Variants in TTC28 observed in about 807,000 individuals in gnomAD.
TTC28 encodes the protein tetratricopeptide repeat domain 28.
In TTC28, 61 loss-of-function variants were observed where a neutral mutation model predicts 198.0. The ratio of observed to expected loss-of-function variants is 0.31; its 90% confidence interval spans 0.25 to 0.38. The LOEUF (loss-of-function observed/expected upper bound fraction) is 0.38. Among genes scored for constraint, TTC28 ranks in the 10% least tolerant of loss-of-function variants. The pLI, the probability that TTC28 is intolerant of heterozygous loss-of-function variation, is 1.00. For missense variants in TTC28, 2,678 were observed against 3,164.0 expected, an observed-to-expected ratio of 0.85 and a Z score of 3.69; for synonymous variants, 1,171 against 1,297.8, an observed-to-expected ratio of 0.90 and a Z score of 2.10.
chr22:28,012,325 C>T (rs138670), intron 14 of TTC28, among the ~76,000 whole-genome samples: 8,885 of 152,120 alleles, frequency 0.058, 360 homozygotes, highest in Non-Finnish European at 0.083. Context: ...GAAGGACAAC[C>T]GAGCACGTGC....
At chr22:28,220,735 C>T (rs1927790090) in intron 5 of TTC28, among the ~76,000 whole-genome samples, 1 of 152,176 alleles carries the variant, frequency 6.6e-6, no homozygotes, top group Admixed American at 6.5e-5. Flanking sequence ...AGAAGCAAGT[C>T]ACAGGATCCA....
rs71316836 is a variant in TTC28 at position 28,318,812 on chromosome 22, CTTTTTTTTTTTT to C, written c.382-12181_382-12170del. The stretch of plus-strand genomic sequence containing the variant: ...AAAAATGTAGGCTGGGAAGTGTATT[CTTTTTTTTTTTT>C]TTTTTTTTTTTTTGGACAGAGTCTC... On this transcript the variant is annotated intron_variant, in intron 2 of 22. Transcript: ENST00000397906. Among the ~76,000 whole-genome samples the C allele has an allele frequency of 1.6e-4, 10 of 61,338 alleles. No individual in the cohort carries two copies. The East Asian group carries it at 3.9e-3, about 24-fold the overall frequency. The allele number at this position is 61,338 out of a possible 152,430, so 40.2% of individuals were successfully genotyped here.
intron 2 of TTC28, among the ~76,000 whole-genome samples, chr22:28,495,073 G>T (rs1435872990): frequency 2.6e-5 from 4 of 151,590 alleles, no homozygotes; most frequent in Non-Finnish European, 5.9e-5. Flanking sequence ...AAATGAGAGA[G>T]ATATGAGAAA....
chr22:28,198,020 A>G (rs1407644310), intron 5 of TTC28, among the ~76,000 whole-genome samples: 1 of 152,162 alleles, frequency 6.6e-6, no homozygotes, highest in Non-Finnish European at 1.5e-5. Context: ...AAATGGAGTG[A>G]TAGAGGTACT....
chr22:28,488,354 G>A (rs1335693585), intron 2 of TTC28, among the ~76,000 whole-genome samples: 7 of 152,220 alleles, frequency 4.6e-5, no homozygotes, highest in East Asian at 1.9e-4. Flanking sequence ...GCCATTCCCC[G>A]ACTGCTAGCA....
intron 5 of TTC28, among the ~76,000 whole-genome samples, chr22:28,164,732 G>A (rs1921684709): frequency 6.6e-6 from 1 of 152,158 alleles, no homozygotes; most frequent in South Asian, 2.1e-4. Flanking sequence ...AAAAATCAGA[G>A]TGCCTCTTCT....
intron 2 of TTC28, among the ~76,000 whole-genome samples, chr22:28,490,591 T>C (rs1214700300): frequency 1.3e-5 from 2 of 152,204 alleles, no homozygotes; most frequent in African/African-American, 2.4e-5. Context: ...ACACAGTTAT[T>C]TGGACTATTC....
chr22:28,542,684 A>G (rs2049441713), intron 2 of TTC28, among the ~76,000 whole-genome samples: 3 of 152,156 alleles, frequency 2.0e-5, no homozygotes, highest in Admixed American at 2.0e-4. Flanking sequence ...TTAGTAATCT[A>G]AGAGTCAAGG....
chr22:28,102,582 G>A lies in TTC28; in HGVS notation c.3308-1302C>T, dbSNP rs145949084. Among the ~76,000 whole-genome samples the A allele has an allele frequency of 6.0e-4, 91 of 152,168 alleles. 2 individuals carry two copies. The East Asian group carries it at 0.017, about 29-fold the overall frequency. On this transcript the variant is annotated intron_variant, in intron 8 of 22. Transcript: ENST00000397906. ...ATAGAAGCTAGCTTGTGCAGAGACA[G>A]CATGAAGGCTCCCACCGTACAACTG... is the stretch of plus-strand genomic sequence containing the variant.
chr22:28,352,821 TA>T, intron 2 of TTC28, among the ~76,000 whole-genome samples: 1 of 152,040 alleles, frequency 6.6e-6, no homozygotes, highest in East Asian at 1.9e-4. Context: ...TTTAACAGTC[TA>T]AAAAACAGTT....
At position 28,390,425 on chromosome 22, in the gene TTC28, C is replaced by T. The variant is rs537077962; in HGVS notation, c.382-83782G>A. Among the ~76,000 whole-genome samples, 5 of 152,110 alleles carry T rather than the reference C, an allele frequency of 3.3e-5. No homozygotes were observed. The South Asian group carries it at 1.0e-3, about 32-fold the overall frequency. ...TTGACTTTCTGTCTCGTTGATCTGT[C>T]TAATGTTGACAGTGGGGTGTTAAAG... On this transcript the variant is annotated intron_variant, in intron 2 of 22. Transcript: ENST00000397906.
At chr22:28,420,637 G>C (rs895926234) in intron 2 of TTC28, among the ~76,000 whole-genome samples, 1 of 149,956 alleles carries the variant, frequency 6.7e-6, no homozygotes, top group Admixed American at 6.7e-5. Context: ...TCGTTCTGTC[G>C]CCCAGGGTGG....
At chr22:28,584,924 T>C (rs1451058553) in intron 2 of TTC28, among the ~76,000 whole-genome samples, 1 of 152,188 alleles carries the variant, frequency 6.6e-6, no homozygotes, top group Admixed American at 6.5e-5. Flanking sequence ...ACTGAGAAGT[T>C]ATAGAATAGT....
At chr22:28,152,255 G>A (rs1003052875) in intron 6 of TTC28, among the ~76,000 whole-genome samples, 1 of 152,200 alleles carries the variant, frequency 6.6e-6, no homozygotes, top group Admixed American at 6.5e-5. Context: ...CTCTAGGAAT[G>A]CTTGCTGTCT....
chr22:28,372,652 G>A (rs1386980574), intron 2 of TTC28, among the ~76,000 whole-genome samples: 2 of 152,006 alleles, frequency 1.3e-5, no homozygotes, highest in African/African-American at 4.8e-5. Flanking sequence ...TAAAGGGCCA[G>A]GCCAGGGACT....
At chr22:28,243,207 A>AAAAAAAAAAAAAC in intron 5 of TTC28, among the ~76,000 whole-genome samples, 1 of 121,784 alleles carries the variant, frequency 8.2e-6, no homozygotes, top group Non-Finnish European at 1.8e-5. Flanking sequence ...AAAAAAAAAA[A>AAAAAAAAAAAAAC]AAAAAACTAG....
intron 5 of TTC28, among the ~76,000 whole-genome samples, chr22:28,253,292 T>C (rs931516670): frequency 6.6e-6 from 1 of 152,214 alleles, no homozygotes; most frequent in Non-Finnish European, 1.5e-5. Flanking sequence ...CTCAGATAAA[T>C]AGTTATAGTT....
At chr22:28,559,270 T>G (rs2145988585) in intron 2 of TTC28, among the ~76,000 whole-genome samples, 1 of 152,284 alleles carries the variant, frequency 6.6e-6, no homozygotes, top group African/African-American at 2.4e-5. Context: ...TGTCATTAGT[T>G]TCACTTAGCC....
At position 28,468,282 on chromosome 22, in the gene TTC28, T is replaced by A. The variant is rs1309816908; in HGVS notation, c.381+161270A>T. On this transcript the variant is annotated intron_variant, in intron 2 of 22. Coordinates refer to ENST00000397906, the MANE Select transcript of TTC28 (RefSeq NM_001145418.2). ...TGCTGGGAGCAGTTATAGGAGGGGA[T>A]CTTCAAGTTCACAATGCAACTAGAA... Among the ~76,000 whole-genome samples the A allele has an allele frequency of 3.3e-5, 5 of 152,176 alleles. No individual in the cohort carries two copies. The East Asian group carries it at 9.7e-4, about 29-fold the overall frequency.
Sources: allele counts gnomAD v4.1 joint callset (sites outside exome capture counted in the v4.1 genomes callset), GRCh38; gene constraint gnomAD v4.1.1; transcripts MANE v1.5; gene names NCBI Gene and HGNC (gene_info 2026-07-23, HGNC 2026-07-21).